The following ABCC9 variants were observed in gnomAD, a reference collection of about 807,000 sequenced individuals.
ABCC9 encodes the protein ATP binding cassette subfamily C member 9, also known as ATP-binding cassette sub-family C member 9.
A neutral mutation model predicts 188.3 loss-of-function variants in ABCC9; 95 were observed. The ratio of observed to expected loss-of-function variants is 0.50; its 90% CI spans 0.43 to 0.60. The LOEUF (loss-of-function observed/expected upper bound fraction) is 0.60, where lower values mean the gene tolerates loss of function less well. Among genes scored for constraint, ABCC9 ranks in the 20% least tolerant of loss-of-function variants. The pLI is 0.00. For missense variants in ABCC9, 1,102 were observed against 1,876.3 expected (o/e 0.59, Z 7.62); for synonymous variants, 659 against 652.7 (o/e 1.01, Z -0.15).
chr12:21,938,383 T>C (rs1035812967), intron 2 of ABCC9, among the ~76,000 whole-genome samples: 3 of 152,120 alleles, frequency 2.0e-5, no homozygotes, highest in Admixed American at 6.5e-5. Context: ...GCTATTAAGG[T>C]ATTAATCTGG....
At chr12:21,831,686 AG>A (rs1320768096) in intron 30 of ABCC9, among the ~76,000 whole-genome samples, 1 of 152,220 alleles carries the variant, frequency 6.6e-6, no homozygotes, top group Admixed American at 6.5e-5. Context: ...AGGTTTTTAA[AG>A]GATAAGCAGA....
At chr12:21,834,786 TACAC>T (rs61211269) in intron 30 of ABCC9, among the ~76,000 whole-genome samples, 20,533 of 141,486 alleles carry the variant, frequency 0.15, 1,614 homozygotes, top group Non-Finnish European at 0.17. Context: ...TATAACATTA[TACAC>T]ACACACACAC....
intron 16 of ABCC9, among the ~76,000 whole-genome samples, chr12:21,877,661 T>A (rs191939165): frequency 6.1e-4 from 93 of 152,242 alleles, no homozygotes; most frequent in Admixed American, 1.6e-3. Context: ...CCGTTGATGT[T>A]CTCAGCAAAT....
At chr12:21,853,638 T>G (rs1382460693) in intron 22 of ABCC9, among the ~76,000 whole-genome samples, 1 of 152,190 alleles carries the variant, frequency 6.6e-6, no homozygotes, top group African/African-American at 2.4e-5. Context: ...CATATATATT[T>G]CATACCTAAA....
chr12:21,919,392 G>A (rs1948720668), intron 5 of ABCC9, among the ~76,000 whole-genome samples: 1 of 151,788 alleles, frequency 6.6e-6, no homozygotes, highest in East Asian at 1.9e-4. Flanking sequence ...GAAATATCAT[G>A]AATAACATTA....
intron 31 of ABCC9, among the ~76,000 whole-genome samples, chr12:21,823,692 A>C (rs1031090937): frequency 6.6e-6 from 1 of 152,248 alleles, no homozygotes; most frequent in Non-Finnish European, 1.5e-5. Context: ...TTTGCAACTG[A>C]AAACACCAAT....
intron 21 of ABCC9, 104 bp downstream of exon 21, chr12:21,860,867 C>T: frequency 1.1e-6 from 1 of 942,954 alleles, no homozygotes; most frequent in Non-Finnish European, 1.7e-6. Context: ...CAACATACAA[C>T]TCCTAAGCTC....
chr12:21,818,372 T>G (rs1942799252), intron 31 of ABCC9, 121 bp from the exon 32 acceptor site: 2 of 790,448 alleles, frequency 2.5e-6, no homozygotes, highest in South Asian at 2.8e-5. Flanking sequence ...CCTGTTAAGT[T>G]TCAGAGGAAG....
At chr12:21,829,579 G>A (rs1943637052) in intron 30 of ABCC9, among the ~76,000 whole-genome samples, 1 of 152,134 alleles carries the variant, frequency 6.6e-6, no homozygotes, top group Non-Finnish European at 1.5e-5. Context: ...GTGTGGTCAG[G>A]TGTTTATTTC....
chr12:21,802,791 T>A (rs1468573416), intron 39 of ABCC9, among the ~76,000 whole-genome samples: 1 of 152,094 alleles, frequency 6.6e-6, no homozygotes, highest in Non-Finnish European at 1.5e-5. Flanking sequence ...CTCTGAACAT[T>A]CCAAAGTCCT....
intron 30 of ABCC9, among the ~76,000 whole-genome samples, 176 bp from the exon 31 acceptor site, chr12:21,829,236 C>A (rs1414107207): frequency 9.0e-6 from 1 of 110,992 alleles, no homozygotes; most frequent in Non-Finnish European, 1.7e-5. Flanking sequence ...GAGTCTCGCT[C>A]TGTTGCCCAG....
At chr12:21,820,228 C>G (rs1942955781) in intron 31 of ABCC9, among the ~76,000 whole-genome samples, 1 of 151,954 alleles carries the variant, frequency 6.6e-6, no homozygotes, top group Admixed American at 6.6e-5. Context: ...ATCCTTCCAG[C>G]AAGGTATGTC....
At chr12:21,814,494 C>T in intron 35 of ABCC9, 150 bp downstream of exon 35, 1 of 692,756 alleles carries the variant, frequency 1.4e-6, no homozygotes, top group South Asian at 1.6e-5. Context: ...TACTTTTGAG[C>T]TGTTTATTTG....
rs71530934 is a variant in ABCC9 at position 21,926,159 on chromosome 12, A to C, written c.285-96T>G. 13,060 of 1,525,166 alleles carry C rather than the reference A, an allele frequency of 8.6e-3. 101 individuals carry two copies. Among genetic ancestry groups the C allele is most frequent in the Middle Eastern group, 0.037 (218 of 5,826 alleles). 94.5% of individuals were successfully genotyped at this position (1,525,166 alleles called of 1,614,324 possible). A position where few individuals can be genotyped will look rare whatever the true frequency, so the allele number is the denominator to read the frequency against. On this transcript the variant is annotated intron_variant, in intron 4 of 39. Transcript: ENST00000261200. Reference sequence around the variant, plus strand: ...TTCATAAGAACTCTATCTTAGCAATAAGATGTTTAAAATACAGAATGCAAT... The same window carrying C: ...TTCATAAGAACTCTATCTTAGCAATCAGATGTTTAAAATACAGAATGCAAT...
chr12:21,850,489 C>A (rs1944907282), intron 24 of ABCC9, among the ~76,000 whole-genome samples: 1 of 152,054 alleles, frequency 6.6e-6, no homozygotes, highest in Admixed American at 6.6e-5. Context: ...ACTGGATTTA[C>A]CCTGTCCATA....
At chr12:21,822,650 G>A (rs1943116573) in intron 31 of ABCC9, among the ~76,000 whole-genome samples, 2 of 147,028 alleles carry the variant, frequency 1.4e-5, no homozygotes, top group African/African-American at 5.1e-5. Flanking sequence ...AATTAGCTGG[G>A]TGTGATGGCA....
intron 25 of ABCC9, among the ~76,000 whole-genome samples, chr12:21,846,182 G>A (rs1944661964): frequency 6.6e-6 from 1 of 152,150 alleles, no homozygotes; most frequent in African/African-American, 2.4e-5. Context: ...ATTGTGACCT[G>A]CAAATTTCTG....
chr12:21,848,967 C>T (rs1039814566), intron 24 of ABCC9, among the ~76,000 whole-genome samples: 1 of 152,116 alleles, frequency 6.6e-6, no homozygotes, highest in Non-Finnish European at 1.5e-5. Flanking sequence ...TTTCTCCATG[C>T]CCTGCTTCCA....
chr12:21,830,711 C>T (rs1943705100), intron 30 of ABCC9, among the ~76,000 whole-genome samples: 1 of 152,150 alleles, frequency 6.6e-6, no homozygotes. Flanking sequence ...ACAGTAAGCT[C>T]TAATCTACAA....
Sources: gnomAD v4.1 joint callset for allele counts (sites outside exome capture counted in the v4.1 genomes callset) on GRCh38, gnomAD v4.1.1 for gene constraint, MANE v1.5 for transcripts, NCBI Gene and HGNC (gene_info 2026-07-23, HGNC 2026-07-21) for gene names.